MYH6: variants seen among roughly 807,000 people sequenced by gnomAD.
The protein encoded by MYH6 is myosin heavy chain 6, also known as myosin-6.
MYH6 carries 126 observed loss-of-function variants against 223.2 expected under a neutral mutation model. The ratio of observed to expected loss-of-function variants is 0.56; its 90% CI spans 0.49 to 0.65. The LOEUF (loss-of-function observed/expected upper bound fraction) is 0.65. Ranked by LOEUF, MYH6 falls within the 30% of genes least tolerant of loss-of-function variation. MYH6 has a pLI of 0.00. For missense variants in MYH6, 2,040 were observed against 2,536.4 expected (o/e 0.80, Z 4.20); for synonymous variants, 978 against 1,010.2 (o/e 0.97, Z 0.61).
chr14:23,405,798 G>A lies in MYH6; in HGVS notation c.202-28C>T, dbSNP rs754171891. On this transcript the variant is annotated intron_variant, in intron 3 of 38. Coordinates refer to ENST00000405093, the MANE Select transcript of MYH6 (RefSeq NM_002471.4). The surrounding 1 kb of genome is among the most constrained non-coding windows in gnomAD (Gnocchi z 4.7). ...GGAGGGGGCGCATAAGCAGGAGGAT[G>A]AGTGACCACAATCCCTCCGGGACCC... The A allele has an allele frequency of 2.5e-6, 4 of 1,614,014 alleles. No individual in the cohort carries two copies. The highest frequency in any genetic ancestry group is 3.4e-6 in the Non-Finnish European group (4 of 1,179,962).
chr14:23,383,928 T>C (rs530461313), intron 36 of MYH6, among the ~76,000 whole-genome samples: 1 of 152,298 alleles, frequency 6.6e-6, no homozygotes, highest in South Asian at 2.1e-4. Flanking sequence ...ATCTATCAAA[T>C]GGACTGACAC....
In MYH6 at chr14:23,394,313, G is replaced by T. The variant is rs150675144; in HGVS notation, c.2440C>A (p.Leu814Met). Reference sequence around the variant, plus strand: ...GCCCGAATGTTCCACTGGATTACCAGCAGGGCATCCCTGGCAAGGAAACGT... The same window carrying T: ...GCCCGAATGTTCCACTGGATTACCATCAGGGCATCCCTGGCAAGGAAACGT... ...KKIVERRDAL[L>M]VIQWNIRAFM... is the part of the protein sequence containing the mutation. Residue 814 changes from leucine (L) to methionine (M), a missense_variant, in exon 21 of 39, where the codon CTG becomes ATG. Leu to Met is a conservative substitution (Grantham distance 15, BLOSUM62 2). Coordinates refer to ENST00000405093, the MANE Select transcript of MYH6 (RefSeq NM_002471.4). 2.5e-5 allele frequency: 40 copies of T among 1,614,058 alleles called. No homozygotes were observed. Among genetic ancestry groups the T allele is most frequent in the Middle Eastern group, 3.3e-4 (2 of 6,084 alleles).
chr14:23,399,185 A>T (rs913026891), intron 14 of MYH6, 148 bp from the exon 15 acceptor site: 2 of 983,202 alleles, frequency 2.0e-6, no homozygotes, highest in African/African-American at 3.3e-5. Context: ...ACCCTAAAAC[A>T]GGAAGCCAAT....
rs1566509722 is a variant in MYH6 at position 23,393,004 on chromosome 14, T to G, written c.3159A>C (p.Ala1053=). The change falls in exon 24 of 39, where the codon GCA becomes GCC. Residue 1053 remains alanine, a synonymous_variant. Coordinates refer to ENST00000405093, the MANE Select transcript of MYH6 (RefSeq NM_002471.4). The stretch of plus-strand genomic sequence containing the variant: ...TCAGGTCGCCCTCCAGTTTCCGCTT[T>G]GCTCGCTCCAGGTCCATGCGCACCT... ...EKKVRMDLER[A]KRKLEGDLKL... is the part of the protein sequence containing the mutation. The G allele has an allele frequency of 6.2e-7, 1 of 1,614,230 alleles. No homozygotes were observed. The highest frequency in any genetic ancestry group is 8.5e-7 in the Non-Finnish European group (1 of 1,180,044).
chr14:23,401,205 C>G (rs1324147644), intron 12 of MYH6, among the ~76,000 whole-genome samples: 1 of 152,162 alleles, frequency 6.6e-6, no homozygotes, highest in Non-Finnish European at 1.5e-5. Context: ...CAGGGTTTCA[C>G]CATGTTGCCC....
At chr14:23,386,961 C>G (rs573864853) in intron 32 of MYH6, among the ~76,000 whole-genome samples, 1 of 152,258 alleles carries the variant, frequency 6.6e-6, no homozygotes, top group East Asian at 1.9e-4. Context: ...TTTTCCAGGT[C>G]CCTCACCCTT....
intron 14 of MYH6, chr14:23,399,865 G>A: frequency 3.1e-6 from 1 of 325,186 alleles, no homozygotes; most frequent in East Asian, 7.7e-5. Context: ...TCTGAGGAAT[G>A]CCCATAAGCA....
chr14:23,390,589 T>C (rs1246787966), intron 25 of MYH6, 143 bp from the exon 26 acceptor site: 5 of 1,494,424 alleles, frequency 3.3e-6, no homozygotes, highest in Non-Finnish European at 4.5e-6. Context: ...AGGGAACAGT[T>C]GGCAATGTCT....
rs371709369 is a variant in MYH6, at chr14:23,393,826, T to G, written c.2768A>C (p.Glu923Ala). The change falls in exon 22 of 39, where the codon GAG becomes GCG. Residue 923 changes from glutamate to alanine, a missense_variant. Transcript: ENST00000405093. ...NKIQLEAKVK[E>A]MNERLEDEEE... is the part of the protein sequence containing the mutation. ...CTCATCCTCCAGCCTCTCATTCATCTCCTTTACTTTGGCCTCCAGCTGAAT... is the reference window on the plus strand; with the variant it reads ...CTCATCCTCCAGCCTCTCATTCATCGCCTTTACTTTGGCCTCCAGCTGAAT... 10 of 1,614,118 alleles carry G rather than the reference T, an allele frequency of 6.2e-6. No individual in the cohort carries two copies. Among genetic ancestry groups the G allele is most frequent in the African/African-American group, 4.0e-5 (3 of 74,930 alleles).
At position 23,407,174 on chromosome 14, in the gene MYH6, C is replaced by A. The variant is rs746646172; in HGVS notation, c.50G>T (p.Arg17Leu). Residue 17 changes from arginine (R) to leucine (L), a missense_variant, in exon 3 of 39, where the codon CGC becomes CTC. Arg to Leu is a moderately radical substitution (Grantham distance 102). Around this residue, in one of 4 missense-constraint regions of MYH6, gnomAD observed 184 missense variants for 232.4 expected, o/e 0.79. Transcript: ENST00000405093. This position sits in a 1 kb window ranked among gnomAD's most constrained non-coding sequence, Gnocchi z 5.6. ...CTCTAGACGCTCCTTCTCTGACTTG[C>A]GGAGGTACTGGGCCGCTGCCCCAAA... ...ADFGAAAQYL[R>L]KSEKERLEAQ... 3 of 1,614,248 alleles carry A rather than the reference C, an allele frequency of 1.9e-6. No homozygotes were observed. Among genetic ancestry groups the A allele is most frequent in the Non-Finnish European group, 8.5e-7 (1 of 1,180,034 alleles).
rs1891822469 is a variant in MYH6, at chr14:23,407,321, T to C, written c.-13-85A>G. The C allele has an allele frequency of 1.4e-6, 2 of 1,478,566 alleles. No individual in the cohort carries two copies. Among genetic ancestry groups the C allele is most frequent in the South Asian group, 2.3e-5 (2 of 87,044 alleles). The allele number at this position is 1,478,566 out of a possible 1,614,324, so 91.6% of individuals were successfully genotyped here. A position where few individuals can be genotyped will look rare whatever the true frequency, so the allele number is the denominator to read the frequency against. On this transcript the variant is annotated intron_variant, in intron 2 of 38. Transcript: ENST00000405093. This position sits in a 1 kb window ranked among gnomAD's most constrained non-coding sequence, Gnocchi z 5.6. ...CTTTGTCCTCTGCAGCCCCCCTCCC[T>C]ACCCCCGCTCCTCTCCTCCACCCTG...
chr14:23,387,953 C>CCCCCAGCCTTAGCT, intron 30 of MYH6, 30 bp from the exon 31 acceptor site: 1 of 1,611,994 alleles, frequency 6.2e-7, no homozygotes, highest in Non-Finnish European at 8.5e-7. Context: ...ACTCTTCAGC[C>CCCCCAGCCTTAGCT]CCCCAGCCTT....
intron 30 of MYH6, 103 bp downstream of exon 30, chr14:23,388,052 A>G: frequency 2.5e-6 from 4 of 1,608,160 alleles, no homozygotes; most frequent in Middle Eastern, 2.2e-4. Flanking sequence ...GCCTGGGCTT[A>G]GCCCTCCTCC....
intron 13 of MYH6, 40 bp downstream of exon 13, chr14:23,400,669 G>A: frequency 1.2e-6 from 2 of 1,614,144 alleles, no homozygotes; most frequent in Non-Finnish European, 1.7e-6. Context: ...GTAGGAGCAA[G>A]CGAGTGATTG....
Position 23,402,534 on chromosome 14 carries a change from G to A in MYH6, c.1071C>T (p.Ile357=), listed in dbSNP as rs58131640. Residue 357 remains isoleucine (I), a synonymous_variant, in exon 12 of 39, where the codon ATC becomes ATT. Coordinates refer to ENST00000405093, the MANE Select transcript of MYH6 (RefSeq NM_002471.4). Reference sequence around the variant, plus strand: ...TGAACTTCATGTTCCCGTAGTGCATGATGGCTCCCGTCAGCTTGTAGACGC... The same window carrying A: ...TGAACTTCATGTTCCCGTAGTGCATAATGGCTCCCGTCAGCTTGTAGACGC... The part of the protein sequence containing the change: ...KAGVYKLTGA[I]MHYGNMKFKQ... 791 of 1,613,782 alleles carry A rather than the reference G, an allele frequency of 4.9e-4. 8 individuals are homozygous for A. The African/African-American group carries it at 9.9e-3, about 20-fold the overall frequency.
Position 23,407,725 on chromosome 14 carries a change from C to T in MYH6, c.-46-117G>A, listed in dbSNP as rs560240679. ...CCCGGGGATGGAGGCAGCCCCAGAG[C>T]GCAGACAGGCAGGACAGACCAGGGA... On this transcript the variant is annotated intron_variant, in intron 1 of 38. Coordinates refer to ENST00000405093, the MANE Select transcript of MYH6 (RefSeq NM_002471.4). This position sits in a 1 kb window ranked among gnomAD's most constrained non-coding sequence, Gnocchi z 5.6. 17 of 683,056 alleles carry T rather than the reference C, an allele frequency of 2.5e-5. No homozygotes were observed. In the East Asian group the frequency reaches 2.8e-4, roughly 11 times the overall value. 42.3% of individuals were successfully genotyped at this position (683,056 alleles called of 1,614,324 possible).
chr14:23,384,189 T>TAAAA, intron 36 of MYH6, among the ~76,000 whole-genome samples: 1 of 140,996 alleles, frequency 7.1e-6, no homozygotes, highest in East Asian at 2.1e-4. Flanking sequence ...TTAGAGTTAT[T>TAAAA]AAAAAAAAAA....
chr14:23,403,580 A>T, intron 9 of MYH6, 134 bp from the exon 10 acceptor site: 1 of 1,187,724 alleles, frequency 8.4e-7, no homozygotes, highest in Non-Finnish European at 1.2e-6. Flanking sequence ...ATGTGGCTTA[A>T]ATAAAAAGGA....
intron 13 of MYH6, 47 bp downstream of exon 13, chr14:23,400,662 G>A (rs970212931): frequency 1.2e-6 from 2 of 1,613,972 alleles, no homozygotes; most frequent in South Asian, 2.2e-5. Context: ...GTTGAATGTA[G>A]GAGCAAGCGA....
Sources: gnomAD v4.1 joint callset for allele counts (sites outside exome capture counted in the v4.1 genomes callset) on GRCh38, gnomAD v4.1.1 for gene constraint, gnomAD v4.1.1 regional missense constraint, Gnocchi (gnomAD v3.1) non-coding constraint, MANE v1.5 for transcripts, NCBI Gene and HGNC (gene_info 2026-07-23, HGNC 2026-07-21) for gene names.